NSUN2: variants seen among roughly 807,000 people sequenced by gnomAD.
NSUN2 encodes NOP2/Sun RNA methyltransferase 2.
NSUN2 carries 63 observed loss-of-function variants against 92.7 expected under a neutral mutation model. The observed-to-expected ratio is 0.68, with a 90% CI of 0.56 to 0.84. The LOEUF (loss-of-function observed/expected upper bound fraction) is 0.84, where lower values mean the gene tolerates loss of function less well. Among genes scored for constraint, NSUN2 ranks in the 40% least tolerant of loss-of-function variants. The pLI is 0.00. For missense variants in NSUN2, 989 were observed against 964.9 expected (o/e 1.02, Z -0.33); for synonymous variants, 356 against 348.3 (o/e 1.02, Z -0.25).
intron 3 of NSUN2, among the ~76,000 whole-genome samples, chr5:6,629,142 T>C (rs1019085587): frequency 1.3e-5 from 2 of 152,210 alleles, no homozygotes; most frequent in African/African-American, 2.4e-5. Flanking sequence ...AGCTGTGTGT[T>C]CAGAAAATTA....
Position 6,604,244 on chromosome 5 carries a change from T to G in NSUN2, c.1851A>C (p.Ser617=), listed in dbSNP as rs780686381. The G allele has an allele frequency of 2.5e-6, 4 of 1,602,724 alleles. No homozygotes were observed. The highest frequency in any genetic ancestry group is 3.4e-6 in the Non-Finnish European group (4 of 1,170,028). Residue 617 remains serine, a synonymous_variant, in exon 17 of 19, where the codon TCA becomes TCC. Coordinates refer to ENST00000264670, the MANE Select transcript of NSUN2 (RefSeq NM_017755.6). ...CTTCCATTGATACAGTAATAATTCT[T>G]GAGTTAATAAATGGATACAATGTAT... ...GIYTLYPFIN[S]RIITVSMEDV...
At chr5:6,609,766 G>A (rs1260821520) in intron 12 of NSUN2, 60 bp downstream of exon 12, 2 of 1,374,302 alleles carry the variant, frequency 1.5e-6, no homozygotes, top group Non-Finnish European at 1.0e-6. Flanking sequence ...ACTCCGGTTA[G>A]TTTTTGTCTT....
chr5:6,628,336 C>G (rs1033578064), intron 3 of NSUN2, among the ~76,000 whole-genome samples: 4 of 151,910 alleles, frequency 2.6e-5, no homozygotes, highest in Non-Finnish European at 4.4e-5. Context: ...CAACAGAGAC[C>G]TTGTCTCAAA....
chr5:6,606,729 TA>T (rs2126475066), intron 14 of NSUN2, 90 bp downstream of exon 14: 1 of 668,686 alleles, frequency 1.5e-6, no homozygotes, highest in African/African-American at 1.9e-5. Context: ...CAGAACTACA[TA>T]CAAAACAATG....
At chr5:6,606,079 A>C (rs573604403) in intron 14 of NSUN2, among the ~76,000 whole-genome samples, 4 of 152,326 alleles carry the variant, frequency 2.6e-5, no homozygotes, top group African/African-American at 7.2e-5. Flanking sequence ...AATTCAATGA[A>C]TAAGAAACAG....
chr5:6,609,699 G>A (rs1736910387), intron 12 of NSUN2, 127 bp downstream of exon 12: 4 of 695,878 alleles, frequency 5.7e-6, no homozygotes, highest in South Asian at 4.0e-5. Flanking sequence ...CTCATTCAGG[G>A]TCAGCTCTCC....
Position 6,610,287 on chromosome 5 carries a change from G to C in NSUN2, c.1227-365C>G, listed in dbSNP as rs1345989210. The stretch of plus-strand genomic sequence containing the variant: ...AGATGGGGTCTTGCCATGTCGTCCA[G>C]GCTGGTCTCAAACTTTTGAGCTCAA... On this transcript the variant is annotated intron_variant, in intron 11 of 18. Coordinates refer to ENST00000264670, the MANE Select transcript of NSUN2 (RefSeq NM_017755.6). 2.6e-5 allele frequency among the ~76,000 whole-genome samples: 4 copies of C among 151,666 alleles called. No individual in the cohort carries two copies. In the East Asian group the frequency reaches 5.8e-4, roughly 22 times the overall value.
chr5:6,607,042 CGGCTTCCACAG>C, intron 13 of NSUN2, 130 bp from the exon 14 acceptor site: 2 of 968,426 alleles, frequency 2.1e-6, no homozygotes, highest in South Asian at 1.5e-5. Flanking sequence ...TGAAACCTTC[CGGCTTCCACAG>C]AGTCCAGCCC....
chr5:6,609,389 C>T (rs1190575173), intron 12 of NSUN2, among the ~76,000 whole-genome samples: 2 of 152,178 alleles, frequency 1.3e-5, no homozygotes, highest in African/African-American at 2.4e-5. Flanking sequence ...CTAGCCAGGT[C>T]TGGACAAGGC....
chr5:6,629,085 G>A (rs1481143899), intron 3 of NSUN2, among the ~76,000 whole-genome samples: 2 of 151,756 alleles, frequency 1.3e-5, no homozygotes, highest in African/African-American at 4.8e-5. Flanking sequence ...AATGGAAAAA[G>A]CCAAATATTA....
chr5:6,629,064 C>A (rs1429687655), intron 3 of NSUN2, among the ~76,000 whole-genome samples: 1 of 152,022 alleles, frequency 6.6e-6, no homozygotes, highest in Admixed American at 6.6e-5. Flanking sequence ...TATAGAGAAA[C>A]CATCATTGAT....
chr5:6,608,200 C>A (rs1206181640), intron 12 of NSUN2, among the ~76,000 whole-genome samples: 4 of 152,186 alleles, frequency 2.6e-5, no homozygotes, highest in Non-Finnish European at 5.9e-5. Context: ...ACAGATGAAC[C>A]CCAAGCCTGT....
chr5:6,606,990 T>C, intron 13 of NSUN2, 78 bp from the exon 14 acceptor site: 1 of 1,006,158 alleles, frequency 9.9e-7, no homozygotes, highest in South Asian at 1.5e-5. Context: ...ATTCTTCCTT[T>C]CTGTCAGTTC....
chr5:6,605,171 G>C, intron 15 of NSUN2, 102 bp downstream of exon 15: 1 of 1,478,960 alleles, frequency 6.8e-7, no homozygotes, highest in East Asian at 2.3e-5. Flanking sequence ...CTACAGGTGG[G>C]GAGGGCAGAT....
intron 17 of NSUN2, 199 bp downstream of exon 17, chr5:6,603,939 C>T (rs1310326713): frequency 1.7e-5 from 9 of 534,742 alleles, no homozygotes; most frequent in Non-Finnish European, 2.0e-5. Flanking sequence ...TGGGGAAGTA[C>T]ACCAACCCCA....
chr5:6,607,524 T>C (rs1405877699), intron 12 of NSUN2, 140 bp from the exon 13 acceptor site: 2 of 728,860 alleles, frequency 2.7e-6, no homozygotes, highest in Non-Finnish European at 4.4e-6. Context: ...CAACAGAATT[T>C]TTTTAAAGTG....
chr5:6,621,937 G>A (rs1737464480), intron 6 of NSUN2, 79 bp downstream of exon 6: 2 of 1,245,238 alleles, frequency 1.6e-6, no homozygotes, highest in Non-Finnish European at 2.3e-6. Flanking sequence ...AAATTAGCAG[G>A]CAAAGTTAGA....
Position 6,610,019 on chromosome 5 carries a change from C to A in NSUN2, c.1227-97G>T, listed in dbSNP as rs1736923962. 3.6e-6 allele frequency: 3 copies of A among 839,062 alleles called. No individual in the cohort carries two copies. In the South Asian group the frequency reaches 5.9e-5, roughly 16 times the overall value. The allele number at this position is 839,062 out of a possible 1,614,324, so 52.0% of individuals were successfully genotyped here. A position where few individuals can be genotyped will look rare whatever the true frequency, so the allele number is the denominator to read the frequency against. On this transcript the variant is annotated intron_variant, in intron 11 of 18. Transcript: ENST00000264670. ...CGCAAAGATGATACAAGAGAAAAAT[C>A]ATGTCTTCGACCCTCACTCATAGAA...
At position 6,605,336 on chromosome 5, in the gene NSUN2, C is replaced by A; in HGVS notation, c.1674G>T (p.Arg558Ser). ...ACTCCTTAGAAACCATGTAGAGCTG[C>A]CTTTTCTTCCCTTCTGTAGTCCGAG... is the stretch of plus-strand genomic sequence containing the variant. The part of the protein sequence containing the change: ...LLTRTTEGKK[R>S]QLYMVSKELR... Residue 558 changes from arginine (R) to serine (S), a missense_variant, in exon 15 of 19, where the codon AGG (arginine) becomes AGT (serine). Coordinates refer to ENST00000264670, the MANE Select transcript of NSUN2 (RefSeq NM_017755.6). The A allele has an allele frequency of 1.2e-6, 2 of 1,614,218 alleles. No homozygotes were observed. The highest frequency in any genetic ancestry group is 8.5e-7 in the Non-Finnish European group (1 of 1,180,042).
Sources: allele counts gnomAD v4.1 joint callset (sites outside exome capture counted in the v4.1 genomes callset), GRCh38; gene constraint gnomAD v4.1.1; transcripts MANE v1.5; gene names NCBI Gene and HGNC (gene_info 2026-07-23, HGNC 2026-07-21).